SBF2: variants seen among roughly 807,000 people sequenced by gnomAD.
SBF2 encodes the protein SET binding factor 2.
In SBF2, 112 loss-of-function variants were observed where a neutral mutation model predicts 225.2. That is an observed-to-expected ratio of 0.50 (90% confidence interval 0.43 to 0.58). The LOEUF (loss-of-function observed/expected upper bound fraction) is 0.58, where lower values mean the gene tolerates loss of function less well. Ranked by LOEUF, SBF2 falls within the 20% of genes least tolerant of loss-of-function variation. The pLI, the probability that SBF2 is intolerant of heterozygous loss-of-function variation, is 0.00. For missense variants in SBF2, 1,996 were observed against 2,206.2 expected (o/e 0.90, Z 1.91); for synonymous variants, 763 against 773.3 (o/e 0.99, Z 0.22).
chr11:10,081,664 G>A (rs933117344), intron 2 of SBF2, among the ~76,000 whole-genome samples: 1 of 151,524 alleles, frequency 6.6e-6, no homozygotes, highest in African/African-American at 2.4e-5. Context: ...GGAGGCTGAG[G>A]CAGGAGGATC....
chr11:9,916,741 C>T (rs1484914688), intron 16 of SBF2, among the ~76,000 whole-genome samples: 2 of 151,766 alleles, frequency 1.3e-5, no homozygotes, highest in African/African-American at 2.4e-5. Context: ...AGATTACACA[C>T]ATCTGGCTAA....
At chr11:10,203,710 G>A (rs571619898) in intron 1 of SBF2, among the ~76,000 whole-genome samples, 91 of 152,130 alleles carry the variant, frequency 6.0e-4, no homozygotes, top group African/African-American at 2.1e-3. Flanking sequence ...TTATCATTAT[G>A]TTGCATATTT....
At chr11:10,005,773 T>A (rs1288581394) in intron 6 of SBF2, among the ~76,000 whole-genome samples, 1 of 152,174 alleles carries the variant, frequency 6.6e-6, no homozygotes, top group African/African-American at 2.4e-5. Context: ...ATGCCTCAAC[T>A]TCTTTGGCTG....
chr11:10,244,751 G>A (rs1009444759), intron 1 of SBF2, among the ~76,000 whole-genome samples: 1 of 152,156 alleles, frequency 6.6e-6, no homozygotes, highest in Non-Finnish European at 1.5e-5. Context: ...ATGGAAGAGA[G>A]AAAATACCTG....
chr11:10,249,875 G>A (rs1372081393), intron 1 of SBF2, among the ~76,000 whole-genome samples: 2 of 148,892 alleles, frequency 1.3e-5, no homozygotes. Flanking sequence ...AATGCTATGG[G>A]GGAGTCCATA....
intron 1 of SBF2, among the ~76,000 whole-genome samples, chr11:10,258,401 G>T (rs1305800496): frequency 6.6e-6 from 1 of 152,148 alleles, no homozygotes; most frequent in East Asian, 1.9e-4. Context: ...AAGCCATTGT[G>T]CCCAGCCAAG....
intron 16 of SBF2, among the ~76,000 whole-genome samples, chr11:9,941,929 A>G (rs748906023): frequency 2.0e-4 from 30 of 152,254 alleles, no homozygotes; most frequent in Non-Finnish European, 4.0e-4. Context: ...ATATTAATAG[A>G]TAAGTTTACT....
intron 2 of SBF2, among the ~76,000 whole-genome samples, chr11:10,148,326 A>C (rs952434526): frequency 5.3e-5 from 8 of 152,202 alleles, no homozygotes; most frequent in Middle Eastern, 3.4e-3. Context: ...AGGGAAAAGA[A>C]AGCAAACCCT....
At chr11:9,869,107 T>C (rs1858498121) in intron 17 of SBF2, among the ~76,000 whole-genome samples, 1 of 152,234 alleles carries the variant, frequency 6.6e-6, no homozygotes, top group Non-Finnish European at 1.5e-5. Flanking sequence ...AGGATAAATA[T>C]TTGATTCTAT....
At chr11:10,232,114 G>C (rs887780042) in intron 1 of SBF2, among the ~76,000 whole-genome samples, 1 of 152,214 alleles carries the variant, frequency 6.6e-6, no homozygotes, top group Non-Finnish European at 1.5e-5. Flanking sequence ...AGCCAGGTGC[G>C]GGATATAATC....
At chr11:9,796,390 T>A (rs1468581631) in intron 32 of SBF2, among the ~76,000 whole-genome samples, 1 of 152,212 alleles carries the variant, frequency 6.6e-6, no homozygotes, top group Non-Finnish European at 1.5e-5. Context: ...AGATATATAT[T>A]AACATAAGTT....
intron 2 of SBF2, among the ~76,000 whole-genome samples, chr11:10,052,156 A>G (rs556626125): frequency 5.2e-5 from 6 of 116,352 alleles, no homozygotes; most frequent in Admixed American, 5.0e-4. Flanking sequence ...ATAGGCAAAC[A>G]GGAAAAAAAA....
At chr11:9,806,993 A>G (rs2133894979) in intron 32 of SBF2, among the ~76,000 whole-genome samples, 1 of 152,366 alleles carries the variant, frequency 6.6e-6, no homozygotes, top group Admixed American at 6.5e-5. Context: ...ACATAACCAC[A>G]TACTAACTTG....
intron 13 of SBF2, among the ~76,000 whole-genome samples, chr11:9,985,295 G>A (rs1947150069): frequency 6.6e-6 from 1 of 152,118 alleles, no homozygotes. Context: ...GAAGCGAGCA[G>A]GGGTAGCTAT....
chr11:10,283,986 T>C (rs1240532926), intron 1 of SBF2, among the ~76,000 whole-genome samples: 2 of 152,216 alleles, frequency 1.3e-5, no homozygotes, highest in Non-Finnish European at 2.9e-5. Flanking sequence ...CCACTGGACA[T>C]TATGTTTTTC....
At chr11:10,166,158 T>A (rs901814604) in intron 2 of SBF2, among the ~76,000 whole-genome samples, 2 of 152,216 alleles carry the variant, frequency 1.3e-5, no homozygotes, top group African/African-American at 4.8e-5. Context: ...GCTGAATGAA[T>A]CATAGCAAAT....
At chr11:10,005,480 T>C (rs1948151071) in intron 6 of SBF2, among the ~76,000 whole-genome samples, 1 of 152,182 alleles carries the variant, frequency 6.6e-6, no homozygotes, top group African/African-American at 2.4e-5. Context: ...AGTTGTCTGC[T>C]TGGCCCTCTT....
At chr11:10,274,543 G>A (rs904744629) in intron 1 of SBF2, among the ~76,000 whole-genome samples, 1 of 152,110 alleles carries the variant, frequency 6.6e-6, no homozygotes, top group African/African-American at 2.4e-5. Flanking sequence ...CTGAGGTCAG[G>A]AGTTCAAGAC....
At chr11:9,881,848 C>T (rs1010433009) in intron 17 of SBF2, among the ~76,000 whole-genome samples, 5 of 152,002 alleles carry the variant, frequency 3.3e-5, no homozygotes, top group Admixed American at 2.0e-4. Context: ...ATAGGCTGGG[C>T]GTGGTGGTGC....
Sources: gnomAD v4.1 joint callset for allele counts (sites outside exome capture counted in the v4.1 genomes callset) on GRCh38, gnomAD v4.1.1 for gene constraint, MANE v1.5 for transcripts, NCBI Gene and HGNC (gene_info 2026-07-23, HGNC 2026-07-21) for gene names.